TFAP4: variants seen among roughly 807,000 people sequenced by gnomAD.
TFAP4 encodes activating enhancer-binding protein 4.
Under a neutral mutation model 40.4 loss-of-function variants are expected in TFAP4, and 7 were observed. The ratio of observed to expected loss-of-function variants is 0.17; its 90% CI spans 0.10 to 0.33. TFAP4 has a LOEUF of 0.33. Ranked by LOEUF, TFAP4 falls within the 10% of genes least tolerant of loss-of-function variation. The pLI, the probability that TFAP4 is intolerant of heterozygous loss-of-function variation, is 1.00. For missense variants in TFAP4, 374 were observed against 451.1 expected, an observed-to-expected ratio of 0.83 and a Z score of 1.55; for synonymous variants, 218 against 181.4, an observed-to-expected ratio of 1.20 and a Z score of -1.62.
At chr16:4,271,202 G>A (rs976591755) in intron 1 of TFAP4, among the ~76,000 whole-genome samples, 1 of 152,226 alleles carries the variant, frequency 6.6e-6, no homozygotes, top group African/African-American at 2.4e-5. Context: ...GGGGACCCCC[G>A]GGGCAGAGGG....
At chr16:4,271,625 T>A (rs1364797848) in intron 1 of TFAP4, among the ~76,000 whole-genome samples, 2 of 152,182 alleles carry the variant, frequency 1.3e-5, no homozygotes, top group Non-Finnish European at 2.9e-5. Flanking sequence ...CAAAGTGGCT[T>A]CTGGGGAGGC....
intron 1 of TFAP4, chr16:4,265,954 A>AC (rs1241574952): frequency 6.6e-6 from 1 of 152,246 alleles, no homozygotes; most frequent in African/African-American, 2.4e-5. Flanking sequence ...ACACAAGCCC[A>AC]CAAGTGAGGT....
At position 4,272,954 on chromosome 16, in the gene TFAP4, A is replaced by ATGTGTGTGTGTGTGTGTG. The variant is rs71139626; in HGVS notation, c.-226_-209dup. The ATGTGTGTGTGTGTGTGTG allele has an allele frequency of 5.1e-4, 80 of 156,256 alleles. No individual in the cohort carries two copies. The highest frequency in any genetic ancestry group is 2.5e-3 in the African/African-American group (65 of 26,034). The allele number at this position is 156,256 out of a possible 1,614,324, so 9.7% of individuals were successfully genotyped here. A position where few individuals can be genotyped will look rare whatever the true frequency, so the allele number is the denominator to read the frequency against. On this transcript the variant is annotated 5_prime_UTR_variant, in exon 1 of 7. Coordinates refer to ENST00000204517, the MANE Select transcript of TFAP4 (RefSeq NM_003223.3). ...CCGGCCTGCCTCCCCGGGCGTGTGT[A>ATGTGTGTGTGTGTGTGTG]TGTGTGTGTGTGTGTGTGTGTGTGT...
In TFAP4 at chr16:4,262,695, G is replaced by C; in HGVS notation, c.96C>G (p.Ala32=). 6.2e-7 allele frequency: 1 copy of C among 1,608,302 alleles called. No individual in the cohort carries two copies. Among genetic ancestry groups the C allele is most frequent in the South Asian group, 1.1e-5 (1 of 91,062 alleles). ...GAGTCTCGGGGGTTAGTGGAATGTT[G>C]GCAAGGCTGCCAGAGAGGACAGGGA... ...KEVIGGLCSL[A]NIPLTPETQR... Residue 32 remains alanine, a synonymous_variant, in exon 2 of 7, where the codon GCC becomes GCG. Transcript: ENST00000204517.
chr16:4,260,061 C>T, intron 6 of TFAP4, 29 bp downstream of exon 6: 1 of 1,597,496 alleles, frequency 6.3e-7, no homozygotes, highest in Admixed American at 1.8e-5. Context: ...ATGACCCCCA[C>T]AAGCTGCCCC....
At chr16:4,261,709 C>G (rs2052949923) in intron 4 of TFAP4, 70 bp downstream of exon 4, 8 of 1,463,310 alleles carry the variant, frequency 5.5e-6, no homozygotes, top group Non-Finnish European at 6.3e-6. Context: ...GGCCGCAGAG[C>G]AAGAGGCGCG....
At chr16:4,261,751 C>T (rs1320636217) in intron 4 of TFAP4, 28 bp downstream of exon 4, 1 of 1,572,324 alleles carries the variant, frequency 6.4e-7, no homozygotes. Context: ...GCACCGCGCG[C>T]CGTGCCCAGC....
At chr16:4,261,750 G>T (rs1312319463) in intron 4 of TFAP4, 29 bp downstream of exon 4, 2 of 1,569,792 alleles carry the variant, frequency 1.3e-6, no homozygotes, top group East Asian at 4.5e-5. Context: ...TGCACCGCGC[G>T]CCGTGCCCAG....
intron 1 of TFAP4, 155 bp from the exon 2 acceptor site, chr16:4,262,856 G>A (rs1407602550): frequency 1.4e-5 from 11 of 811,286 alleles, no homozygotes; most frequent in East Asian, 5.2e-5. Context: ...ACACCGGGGC[G>A]GACTGAATCA....
At chr16:4,270,300 T>C (rs1200507790) in intron 1 of TFAP4, among the ~76,000 whole-genome samples, 2 of 152,182 alleles carry the variant, frequency 1.3e-5, no homozygotes, top group Non-Finnish European at 2.9e-5. Context: ...GTCCAAAACC[T>C]GCAGCTTGTG....
chr16:4,271,554 C>CT (rs1375422154), intron 1 of TFAP4, among the ~76,000 whole-genome samples: 1 of 152,208 alleles, frequency 6.6e-6, no homozygotes, highest in Non-Finnish European at 1.5e-5. Context: ...GGTGGTTTGG[C>CT]TGTGTGTGGT....
Position 4,257,815 on chromosome 16 carries a change from C to T in TFAP4, c.*240G>A. On this transcript the variant is annotated 3_prime_UTR_variant, in exon 7 of 7. Coordinates refer to ENST00000204517, the MANE Select transcript of TFAP4 (RefSeq NM_003223.3). Reference sequence around the variant, plus strand: ...TGTCAGCTTCCTCCAGCCCCCGGGGCCGAGGCCCCGCCCTGGGGTGCCGAT... The same window carrying T: ...TGTCAGCTTCCTCCAGCCCCCGGGGTCGAGGCCCCGCCCTGGGGTGCCGAT... The T allele has an allele frequency of 2.4e-6, 1 of 423,776 alleles. No homozygotes were observed. Among genetic ancestry groups the T allele is most frequent in the Non-Finnish European group, 4.2e-6 (1 of 238,684 alleles). 26.3% of individuals were successfully genotyped at this position (423,776 alleles called of 1,614,324 possible).
At position 4,272,842 on chromosome 16, in the gene TFAP4, G is replaced by A. The variant is rs1056435452; in HGVS notation, c.-96C>T. Reference sequence around the variant, plus strand: ...AATCAAAGGGCAGCGCCGGACGGAGGTGCAGAATCGGCCGGTCCCAGATGC... The same window carrying A: ...AATCAAAGGGCAGCGCCGGACGGAGATGCAGAATCGGCCGGTCCCAGATGC... On this transcript the variant is annotated 5_prime_UTR_variant, in exon 1 of 7. Transcript: ENST00000204517. The A allele has an allele frequency of 1.1e-4, 118 of 1,037,254 alleles. No homozygotes were observed. The highest frequency in any genetic ancestry group is 7.7e-5 in the Non-Finnish European group (58 of 755,342). The allele number at this position is 1,037,254 out of a possible 1,614,324, so 64.3% of individuals were successfully genotyped here. A position where few individuals can be genotyped will look rare whatever the true frequency, so the allele number is the denominator to read the frequency against.
intron 4 of TFAP4, 75 bp from the exon 5 acceptor site, chr16:4,260,670 T>G (rs1292042717): frequency 8.1e-6 from 12 of 1,479,732 alleles, no homozygotes; most frequent in Non-Finnish European, 9.9e-6. Context: ...CAGCAGCTCA[T>G]TCACTCCTGC....
At position 4,263,804 on chromosome 16, in the gene TFAP4, G is replaced by C. The variant is rs1457733401; in HGVS notation, c.90-1103C>G. The C allele has an allele frequency of 1.9e-5, 3 of 153,998 alleles. No individual in the cohort carries two copies. The East Asian group carries it at 5.7e-4, about 29-fold the overall frequency. 9.5% of individuals were successfully genotyped at this position (153,998 alleles called of 1,614,324 possible). On this transcript the variant is annotated intron_variant, in intron 1 of 6. Coordinates refer to ENST00000204517, the MANE Select transcript of TFAP4 (RefSeq NM_003223.3). ...TGGCTGGGGGCGTGGCTTCGGACGA[G>C]GGCGGGGCGTGTGCGCCAGGGGGCG...
rs899180507 is a variant in TFAP4, at chr16:4,257,212, T to G, written c.*843A>C. 1.3e-5 allele frequency: 2 copies of G among 152,052 alleles called. No homozygotes were observed. Among genetic ancestry groups the G allele is most frequent in the Non-Finnish European group, 2.9e-5 (2 of 67,958 alleles). The allele number at this position is 152,052 out of a possible 1,614,324, so 9.4% of individuals were successfully genotyped here. A position where few individuals can be genotyped will look rare whatever the true frequency, so the allele number is the denominator to read the frequency against. On this transcript the variant is annotated 3_prime_UTR_variant, in exon 7 of 7. Coordinates refer to ENST00000204517, the MANE Select transcript of TFAP4 (RefSeq NM_003223.3). Reference sequence around the variant, plus strand: ...AAAAAACAAAGTACAAACTTTATTTTGTTTCTTTACAAAGGCACGGTGGCC... The same window carrying G: ...AAAAAACAAAGTACAAACTTTATTTGGTTTCTTTACAAAGGCACGGTGGCC...
intron 1 of TFAP4, among the ~76,000 whole-genome samples, chr16:4,269,759 G>A (rs1040611544): frequency 4.6e-5 from 7 of 151,250 alleles, no homozygotes; most frequent in Admixed American, 6.6e-5. Flanking sequence ...GCAGTGAGCC[G>A]AGATTGCGCC....
intron 1 of TFAP4, chr16:4,266,404 T>A (rs566309502): frequency 6.6e-6 from 1 of 152,230 alleles, no homozygotes; most frequent in East Asian, 1.9e-4. Flanking sequence ...AAGGTACAGT[T>A]CCTCGTGGGA....
At chr16:4,267,820 C>G (rs547467504) in intron 1 of TFAP4, among the ~76,000 whole-genome samples, 17 of 152,186 alleles carry the variant, frequency 1.1e-4, no homozygotes, top group Non-Finnish European at 2.4e-4. Context: ...CTAATCAGCC[C>G]GAGGTTCTCA....
Sources: allele counts gnomAD v4.1 joint callset (sites outside exome capture counted in the v4.1 genomes callset), GRCh38; gene constraint gnomAD v4.1.1; transcripts MANE v1.5; gene names NCBI Gene and HGNC (gene_info 2026-07-23, HGNC 2026-07-21).